PCNX3: variants seen among roughly 807,000 people sequenced by gnomAD.
PCNX3 encodes pecanex-like protein 3.
A neutral mutation model predicts 207.2 loss-of-function variants in PCNX3; 58 were observed. That is an observed-to-expected ratio of 0.28 (90% CI 0.23 to 0.35). PCNX3 has a LOEUF of 0.35. Among genes scored for constraint, PCNX3 ranks in the 10% least tolerant of loss-of-function variants. The pLI is 1.00. For missense variants in PCNX3, 2,410 were observed against 2,774.4 expected, an observed-to-expected ratio of 0.87 and a Z score of 2.95; for synonymous variants, 1,337 against 1,183.5, an observed-to-expected ratio of 1.13 and a Z score of -2.66.
chr11:65,634,453 C>T, intron 28 of PCNX3, 85 bp from the exon 29 acceptor site: 1 of 1,510,060 alleles, frequency 6.6e-7, no homozygotes, highest in Non-Finnish European at 8.9e-7. Context: ...CTCTGAGCCT[C>T]CCTTAGCCTG....
At position 65,636,169 on chromosome 11, in the gene PCNX3, C is replaced by A; in HGVS notation, c.5460-5C>A. ...CTGATCCCTTTTCTACCTCTCCACCCCCAGGCTTCACAAGGGCTGTGGCGC... is the reference window on the plus strand; with the variant it reads ...CTGATCCCTTTTCTACCTCTCCACCACCAGGCTTCACAAGGGCTGTGGCGC... On this transcript the variant is annotated splice_region_variant and splice_polypyrimidine_tract_variant and intron_variant, in intron 32 of 34. Coordinates refer to ENST00000355703, the MANE Select transcript of PCNX3 (RefSeq NM_032223.4). 6.3e-7 allele frequency: 1 copy of A among 1,597,956 alleles called. No individual in the cohort carries two copies. Among genetic ancestry groups the A allele is most frequent in the Non-Finnish European group, 8.5e-7 (1 of 1,172,268 alleles).
In PCNX3 at chr11:65,618,218, G is replaced by C. The variant is rs1400026071; in HGVS notation, c.856G>C (p.Gly286Arg). ...TGGCTATCAGCCCCTTGACCGGCGG[G>C]GCTCAGGGGAGCCCACGCCCCAGAA... ...AGGYQPLDRR[G>R]SGEPTPQKAG... The change falls in exon 6 of 35, where the codon GGC becomes CGC. Residue 286 changes from glycine (G) to arginine (R), a missense_variant. This residue lies in a region of PCNX3 where 1,104 missense variants were observed against 970.3 expected (regional missense o/e 1.14). Coordinates refer to ENST00000355703, the MANE Select transcript of PCNX3 (RefSeq NM_032223.4). 1 of 1,602,676 alleles carries C rather than the reference G, an allele frequency of 6.2e-7. No homozygotes were observed. The highest frequency in any genetic ancestry group is 8.5e-7 in the Non-Finnish European group (1 of 1,174,584).
At position 65,628,893 on chromosome 11, in the gene PCNX3, G is replaced by A; in HGVS notation, c.3886G>A (p.Ala1296Thr). Residue 1296 changes from alanine to threonine, a missense_variant, in exon 24 of 35, where the codon GCC becomes ACC. This residue lies in a region of PCNX3 where 420 missense variants were observed against 705.3 expected (regional missense o/e 0.60). Transcript: ENST00000355703. Reference protein sequence around the residue: ...STPLNPLLGSAVFIMSYARPL... With the variant: ...STPLNPLLGSTVFIMSYARPL... The stretch of plus-strand genomic sequence containing the variant: ...GCCTCTCAACCCACTGCTAGGCAGT[G>A]CCGTCTTCATCATGTCCTACGCTCG... The A allele has an allele frequency of 1.2e-6, 2 of 1,612,674 alleles. No individual in the cohort carries two copies. Among genetic ancestry groups the A allele is most frequent in the Non-Finnish European group, 1.7e-6 (2 of 1,179,826 alleles).
Position 65,624,191 on chromosome 11 carries a change from T to C in PCNX3, c.2545-4T>C. 1 of 1,601,598 alleles carries C rather than the reference T, an allele frequency of 6.2e-7. No homozygotes were observed. The highest frequency in any genetic ancestry group is 8.5e-7 in the Non-Finnish European group (1 of 1,175,930). On this transcript the variant is annotated splice_region_variant and splice_polypyrimidine_tract_variant and intron_variant, in intron 13 of 34. Transcript: ENST00000355703. ...ACCCAGCTCCTCATGGGCTGACCCC[T>C]CAGGGCCACAACTGGGTGATCGCGT...
chr11:65,625,898 C>T lies in PCNX3; in HGVS notation c.3229-6C>T, dbSNP rs1203832566. 10 of 1,611,914 alleles carry T rather than the reference C, an allele frequency of 6.2e-6. No homozygotes were observed. Among genetic ancestry groups the T allele is most frequent in the African/African-American group, 4.0e-5 (3 of 75,050 alleles). On this transcript the variant is annotated splice_polypyrimidine_tract_variant and splice_region_variant and intron_variant, in intron 19 of 34. Transcript: ENST00000355703. This position sits in a 1 kb window ranked among gnomAD's most constrained non-coding sequence, Gnocchi z 5.6. ...CAGCTGAGTCTCTGGCCTCTCCCTC[C>T]TGCAGTCGGTGCTGGGTTTCGTGTT...
chr11:65,628,997 A>G (rs1372243331), intron 24 of PCNX3, 49 bp downstream of exon 24: 2 of 1,598,896 alleles, frequency 1.3e-6, no homozygotes, highest in Non-Finnish European at 8.5e-7. Context: ...AGGAAGGGAG[A>G]GGTTTGGAGC....
chr11:65,617,502 C>G lies in PCNX3; in HGVS notation c.474C>G (p.Pro158=). Reference sequence around the variant, plus strand: ...TGCCCCGAATGGAGGACTCTGGGCCCCTTAGAGGTAGGTGGCTGCTCTTCA... The same window carrying G: ...TGCCCCGAATGGAGGACTCTGGGCCGCTTAGAGGTAGGTGGCTGCTCTTCA... The part of the protein sequence containing the change: ...ELLPRMEDSG[P]LRDIKELVRE... The change falls in exon 4 of 35, where the codon CCC becomes CCG. Residue 158 remains proline (P), a synonymous_variant. Transcript: ENST00000355703. 6.2e-7 allele frequency: 1 copy of G among 1,613,820 alleles called. No individual in the cohort carries two copies. The highest frequency in any genetic ancestry group is 1.3e-5 in the African/African-American group (1 of 74,984).
intron 23 of PCNX3, 53 bp from the exon 24 acceptor site, chr11:65,628,766 T>TTGGGGGGGGG: frequency 9.9e-6 from 3 of 302,176 alleles, no homozygotes; most frequent in Middle Eastern, 4.1e-4. Context: ...CAGTGGGGGG[T>TTGGGGGGGGG]GGTGGGGGGC....
chr11:65,618,725 C>T lies in PCNX3; in HGVS notation c.1363C>T (p.Pro455Ser), dbSNP rs1183138464. 5 of 1,612,740 alleles carry T rather than the reference C, an allele frequency of 3.1e-6. No homozygotes were observed. The highest frequency in any genetic ancestry group is 3.4e-6 in the Non-Finnish European group (4 of 1,179,472). The change falls in exon 6 of 35, where the codon CCT becomes TCT. Residue 455 changes from proline (P) to serine (S), a missense_variant. Physicochemically the swap from Pro to Ser is moderately conservative, Grantham distance 74. Transcript: ENST00000355703. ...CTCCTCTTCTACTTCCTGCTACTCC[C>T]CTGAGAGCTCCCGGGGTGCAGCAGG... The part of the protein sequence containing the change: ...DSSSSTSCYS[P>S]ESSRGAAGGP...
rs372813169 is a variant in PCNX3 at position 65,619,851 on chromosome 11, C to T, written c.1927C>T (p.Arg643Trp). The T allele has an allele frequency of 5.6e-6, 9 of 1,609,502 alleles. No individual in the cohort carries two copies. Among genetic ancestry groups the T allele is most frequent in the African/African-American group, 4.0e-5 (3 of 74,932 alleles). The change falls in exon 8 of 35, where the codon CGG becomes TGG. Residue 643 changes from arginine to tryptophan, a missense_variant. Coordinates refer to ENST00000355703, the MANE Select transcript of PCNX3 (RefSeq NM_032223.4). ...TTTCGCCTCTTCACTGTTGCTCACC[C>T]GGGCCGGTGCCAATGTGCATGAGGC... ...LHFASSLLLTRAGANVHEACT... is the reference protein window; with the variant it reads ...LHFASSLLLTWAGANVHEACT...
At position 65,617,503 on chromosome 11, in the gene PCNX3, C is replaced by T. The variant is rs1159549478; in HGVS notation, c.475C>T (p.Leu159Phe). The change falls in exon 4 of 35, where the codon CTT becomes TTT. Residue 159 changes from leucine (L) to phenylalanine (F), a missense_variant. Transcript: ENST00000355703. ...GCCCCGAATGGAGGACTCTGGGCCC[C>T]TTAGAGGTAGGTGGCTGCTCTTCAG... ...LLPRMEDSGPLRDIKELVREQ... is the reference protein window; with the variant it reads ...LLPRMEDSGPFRDIKELVREQ... 3.1e-6 allele frequency: 5 copies of T among 1,613,946 alleles called. No individual in the cohort carries two copies. The East Asian group carries it at 1.1e-4, about 36-fold the overall frequency.
intron 22 of PCNX3, among the ~76,000 whole-genome samples, chr11:65,628,235 C>T (rs573970327): frequency 1.4e-4 from 21 of 152,380 alleles, no homozygotes; most frequent in African/African-American, 5.0e-4. Context: ...GTACTATAGT[C>T]TAGCTTCAGC....
intron 29 of PCNX3, 104 bp from the exon 30 acceptor site, chr11:65,634,869 C>G: frequency 7.0e-7 from 1 of 1,436,572 alleles, no homozygotes; most frequent in Non-Finnish European, 9.4e-7. Context: ...GATGGGGAAA[C>G]TGAGGCTCAG....
chr11:65,619,639 C>T lies in PCNX3; in HGVS notation c.1808C>T (p.Ser603Phe), dbSNP rs1375574357. The stretch of plus-strand genomic sequence containing the variant: ...GGCAGCAACCCCACCCCTCCAGCCT[C>T]TGTCATGGGCTCGCCGCCCAGGTGA... Reference protein sequence around the residue: ...NAGSNPTPPASVMGSPPSSLQ... With the variant: ...NAGSNPTPPAFVMGSPPSSLQ... The change falls in exon 7 of 35, where the codon TCT (serine) becomes TTT (phenylalanine). Residue 603 changes from serine (S) to phenylalanine (F), a missense_variant. Transcript: ENST00000355703. 1.9e-6 allele frequency: 3 copies of T among 1,601,358 alleles called. No homozygotes were observed. Among genetic ancestry groups the T allele is most frequent in the African/African-American group, 2.7e-5 (2 of 74,870 alleles).
At position 65,619,739 on chromosome 11, in the gene PCNX3, G is replaced by C. The variant is rs1487215956; in HGVS notation, c.1830-15G>C. Reference sequence around the variant, plus strand: ...AAGCTCTAGCTGGCGCTGACCTGGGGCTGACCCTCTCCAGCAGCCTGCAGG... The same window carrying C: ...AAGCTCTAGCTGGCGCTGACCTGGGCCTGACCCTCTCCAGCAGCCTGCAGG... On this transcript the variant is annotated splice_polypyrimidine_tract_variant and intron_variant, in intron 7 of 34. Transcript: ENST00000355703. 1 of 1,562,512 alleles carries C rather than the reference G, an allele frequency of 6.4e-7. No homozygotes were observed. The highest frequency in any genetic ancestry group is 1.8e-5 in the Admixed American group (1 of 54,348).
chr11:65,620,690 C>A, intron 9 of PCNX3, 141 bp from the exon 10 acceptor site: 2 of 1,207,710 alleles, frequency 1.7e-6, no homozygotes, highest in Non-Finnish European at 2.3e-6. Flanking sequence ...ACTTCTGCCA[C>A]CTGACCCCAG....
At chr11:65,631,779 A>G (rs537553989) in intron 27 of PCNX3, among the ~76,000 whole-genome samples, 3 of 150,906 alleles carry the variant, frequency 2.0e-5, no homozygotes, top group Admixed American at 6.6e-5. Context: ...GGTGCTCCCT[A>G]TGTTGGGCTC....
chr11:65,629,825 T>C, intron 26 of PCNX3, 90 bp downstream of exon 26: 1 of 1,368,472 alleles, frequency 7.3e-7, no homozygotes, highest in Non-Finnish European at 1.0e-6. Context: ...GGAGGTCCAG[T>C]CCAGCTCTGT....
At chr11:65,621,012 G>C in intron 10 of PCNX3, 46 bp downstream of exon 10, 1 of 1,490,756 alleles carries the variant, frequency 6.7e-7, no homozygotes, top group Non-Finnish European at 8.9e-7. Flanking sequence ...GCGTGACGGG[G>C]CGGGCAGATC....
Sources: gnomAD v4.1 joint callset for allele counts (sites outside exome capture counted in the v4.1 genomes callset) on GRCh38, gnomAD v4.1.1 for gene constraint, gnomAD v4.1.1 regional missense constraint, Gnocchi (gnomAD v3.1) non-coding constraint, MANE v1.5 for transcripts, NCBI Gene and HGNC (gene_info 2026-07-23, HGNC 2026-07-21) for gene names.